Variants in WDFY2 observed in about 807,000 individuals in gnomAD.
WDFY2 encodes the protein WD repeat and FYVE domain containing 2.
Under a neutral mutation model 56.4 loss-of-function variants are expected in WDFY2, and 36 were observed. The ratio of observed to expected loss-of-function variants is 0.64; its 90% confidence interval spans 0.49 to 0.84. The LOEUF is 0.84. Among genes scored for constraint, WDFY2 ranks in the 40% least tolerant of loss-of-function variants. The probability of loss-of-function intolerance (pLI) is 0.00; values close to 1 mark genes in which losing one functional copy is unlikely to be tolerated. For synonymous variants in WDFY2, 176 were observed against 183.7 expected, an observed-to-expected ratio of 0.96 and a Z score of 0.34; for missense variants, 444 against 512.2, an observed-to-expected ratio of 0.87 and a Z score of 1.29.
chr13:51,724,245 T>G (rs1011554867), intron 5 of WDFY2, among the ~76,000 whole-genome samples: 1 of 146,284 alleles, frequency 6.8e-6, no homozygotes, highest in Non-Finnish European at 1.5e-5. Flanking sequence ...TTTTTTTTTT[T>G]TTTTTTTTTG....
At chr13:51,752,348 A>G (rs575702041) in intron 8 of WDFY2, among the ~76,000 whole-genome samples, 14 of 152,386 alleles carry the variant, frequency 9.2e-5, no homozygotes, top group African/African-American at 3.4e-4. Flanking sequence ...GGGAAATGGT[A>G]GAACATTGCT....
intron 2 of WDFY2, among the ~76,000 whole-genome samples, chr13:51,663,210 A>G (rs1955644537): frequency 6.6e-6 from 1 of 152,202 alleles, no homozygotes. Context: ...GTTTGAAAAC[A>G]TTGTCTTGTG....
chr13:51,655,734 T>G (rs1955497318), intron 1 of WDFY2, among the ~76,000 whole-genome samples: 1 of 152,158 alleles, frequency 6.6e-6, no homozygotes, highest in Non-Finnish European at 1.5e-5. Context: ...ATAGGATTGT[T>G]GTTCATTCTC....
At chr13:51,754,658 G>T (rs1171681072) in intron 8 of WDFY2, among the ~76,000 whole-genome samples, 1 of 152,106 alleles carries the variant, frequency 6.6e-6, no homozygotes, top group Non-Finnish European at 1.5e-5. Context: ...CATATCTTTT[G>T]TATCATCTGC....
At chr13:51,701,262 C>T (rs1039581642) in intron 3 of WDFY2, among the ~76,000 whole-genome samples, 1 of 151,934 alleles carries the variant, frequency 6.6e-6, no homozygotes, top group African/African-American at 2.4e-5. Flanking sequence ...GTGGCTCACG[C>T]CTGTAATCCC....
chr13:51,718,638 G>C (rs181023281), intron 4 of WDFY2, among the ~76,000 whole-genome samples: 69 of 151,326 alleles, frequency 4.6e-4, no homozygotes, highest in African/African-American at 1.6e-3. Context: ...TCTTCTATGT[G>C]GTTCTTAGGA....
At chr13:51,705,027 A>G (rs1038473846) in intron 4 of WDFY2, among the ~76,000 whole-genome samples, 2 of 152,072 alleles carry the variant, frequency 1.3e-5, no homozygotes, top group Admixed American at 1.3e-4. Context: ...CAAAACTTCC[A>G]CCTTGTTTGC....
chr13:51,673,136 T>C (rs942137515), intron 2 of WDFY2, among the ~76,000 whole-genome samples: 3 of 152,172 alleles, frequency 2.0e-5, no homozygotes, highest in Admixed American at 1.3e-4. Context: ...AAATTTTTCT[T>C]GAAAGAATAA....
intron 1 of WDFY2, among the ~76,000 whole-genome samples, chr13:51,644,024 A>G (rs1955222931): frequency 6.6e-6 from 1 of 152,206 alleles, no homozygotes; most frequent in African/African-American, 2.4e-5. Context: ...TGTGCAAGGT[A>G]CAGTGGGATT....
intron 2 of WDFY2, among the ~76,000 whole-genome samples, chr13:51,670,489 GCACACA>G (rs55984632): frequency 0.063 from 8,290 of 131,326 alleles, 299 homozygotes; most frequent in African/African-American, 0.11. Context: ...GTGCGCACAT[GCACACA>G]CACACACACA....
At chr13:51,751,255 C>T (rs1566230527) in intron 7 of WDFY2, 55 bp from the exon 8 acceptor site, 14 of 1,564,898 alleles carry the variant, frequency 8.9e-6, no homozygotes, top group South Asian at 3.5e-5. Context: ...GTTTCTGCTG[C>T]GAGGCCTTGC....
chr13:51,584,884 C>T (rs1711497057), intron 1 of WDFY2, 60 bp downstream of exon 1: 3 of 1,600,464 alleles, frequency 1.9e-6, no homozygotes, highest in African/African-American at 1.3e-5. Context: ...GCCCTCGAGC[C>T]CGCGTCAGGG....
intron 1 of WDFY2, among the ~76,000 whole-genome samples, chr13:51,609,033 ATG>A (rs1361341758): frequency 6.6e-6 from 1 of 152,028 alleles, no homozygotes; most frequent in Non-Finnish European, 1.5e-5. Flanking sequence ...GTGTGTGGGT[ATG>A]TGTGTGCATG....
At chr13:51,600,147 C>A (rs1316480693) in intron 1 of WDFY2, among the ~76,000 whole-genome samples, 1 of 152,184 alleles carries the variant, frequency 6.6e-6, no homozygotes, top group African/African-American at 2.4e-5. Context: ...ACCTCTAGAT[C>A]AGGGCTGAGA....
intron 7 of WDFY2, among the ~76,000 whole-genome samples, chr13:51,748,961 G>A (rs952652401): frequency 2.6e-5 from 4 of 151,788 alleles, no homozygotes; most frequent in Non-Finnish European, 2.9e-5. Context: ...TCATTCTCTC[G>A]AAAGTATACA....
At chr13:51,744,448 A>G (rs1953048066) in intron 7 of WDFY2, among the ~76,000 whole-genome samples, 1 of 152,238 alleles carries the variant, frequency 6.6e-6, no homozygotes, top group Non-Finnish European at 1.5e-5. Context: ...GTGCAGTCAC[A>G]CAAGGCCCCA....
In WDFY2 at chr13:51,762,296, A is replaced by C. The variant is rs894497293; in HGVS notation, c.*2527A>C. The C allele has an allele frequency of 6.6e-6, 1 of 152,230 alleles. No individual in the cohort carries two copies. Among genetic ancestry groups the C allele is most frequent in the Non-Finnish European group, 1.5e-5 (1 of 68,116 alleles). 9.4% of individuals were successfully genotyped at this position (152,230 alleles called of 1,614,324 possible). On this transcript the variant is annotated 3_prime_UTR_variant, in exon 12 of 12. Transcript: ENST00000298125. ...AAGCAGAGTGTCCCCGTCAGATCAC[A>C]TATGTCCTCTACAGTCGCTCTGGCC...
At position 51,640,644 on chromosome 13, in the gene WDFY2, T is replaced by C. The variant is rs1593917896; in HGVS notation, c.138-19952T>C. On this transcript the variant is annotated intron_variant, in intron 1 of 11. Transcript: ENST00000298125. ...CGGGTAGATTACCTGAGGTCAGGAG[T>C]TCGAGACCAGCCTGGCCAATATGGT... 2.6e-5 allele frequency among the ~76,000 whole-genome samples: 4 copies of C among 151,812 alleles called. No homozygotes were observed. The South Asian group carries it at 8.3e-4, about 32-fold the overall frequency.
intron 1 of WDFY2, among the ~76,000 whole-genome samples, chr13:51,614,219 G>A (rs1954564102): frequency 1.3e-5 from 2 of 149,288 alleles, no homozygotes; most frequent in Admixed American, 6.7e-5. Context: ...AAGTGTATCT[G>A]TGAATAGAGA....
Sources: gnomAD v4.1 joint callset for allele counts (sites outside exome capture counted in the v4.1 genomes callset) on GRCh38, gnomAD v4.1.1 for gene constraint, MANE v1.5 for transcripts, NCBI Gene and HGNC (gene_info 2026-07-23, HGNC 2026-07-21) for gene names.